Variants in GNAQ observed in about 807,000 individuals in gnomAD.
The protein encoded by GNAQ is G protein subunit alpha q, also known as guanine nucleotide-binding protein G(q) subunit alpha.
Under a neutral mutation model 43.9 loss-of-function variants are expected in GNAQ, and 8 were observed. The ratio of observed to expected loss-of-function variants is 0.18; its 90% CI spans 0.11 to 0.33. The LOEUF (loss-of-function observed/expected upper bound fraction) is 0.33, where lower values mean the gene tolerates loss of function less well. GNAQ is among the 10% of genes least tolerant of loss of function. GNAQ has a pLI of 1.00. For synonymous variants in GNAQ, 155 were observed against 170.7 expected (o/e 0.91, Z 0.71); for missense variants, 158 against 450.8 (o/e 0.35, Z 5.88).
At chr9:77,761,942 G>A (rs1826037255) in intron 5 of GNAQ, among the ~76,000 whole-genome samples, 2 of 134,766 alleles carry the variant, frequency 1.5e-5, no homozygotes, top group African/African-American at 2.8e-5. Context: ...GTCCGGGAGG[G>A]AGGTGCGGGG....
intron 5 of GNAQ, among the ~76,000 whole-genome samples, chr9:77,784,180 A>G (rs1229101430): frequency 6.6e-6 from 1 of 152,030 alleles, no homozygotes; most frequent in Non-Finnish European, 1.5e-5. Flanking sequence ...CCATTTTGGT[A>G]TATTTTTATG....
chr9:78,024,665 C>T (rs773094463), intron 1 of GNAQ, among the ~76,000 whole-genome samples: 1 of 152,138 alleles, frequency 6.6e-6, no homozygotes, highest in Non-Finnish European at 1.5e-5. Context: ...CATGTCAGTA[C>T]GAGGACATCA....
Position 77,954,413 on chromosome 9 carries a change from G to A in GNAQ, c.137-32068C>T, listed in dbSNP as rs72738412. Among the ~76,000 whole-genome samples the A allele has an allele frequency of 7.6e-3, 1,151 of 152,288 alleles. 6 individuals are homozygous for A. The highest frequency in any genetic ancestry group is 0.011 in the Non-Finnish European group (733 of 68,020). ...CAGCACCACCATAGTACGGCTTAAGGAAGAGAAGAACTGAGAGCACTACAA... is the reference window on the plus strand; with the variant it reads ...CAGCACCACCATAGTACGGCTTAAGAAAGAGAAGAACTGAGAGCACTACAA... On this transcript the variant is annotated intron_variant, in intron 1 of 6. Coordinates refer to ENST00000286548, the MANE Select transcript of GNAQ (RefSeq NM_002072.5).
chr9:77,949,750 G>C (rs1822953611), intron 1 of GNAQ, among the ~76,000 whole-genome samples: 1 of 152,136 alleles, frequency 6.6e-6, no homozygotes, highest in Non-Finnish European at 1.5e-5. Context: ...AAATATTAGA[G>C]ATTCACATGC....
At chr9:77,819,002 C>CA (rs10547681) in intron 2 of GNAQ, among the ~76,000 whole-genome samples, 2,943 of 45,332 alleles carry the variant, frequency 0.065, 561 homozygotes, top group African/African-American at 0.15. Context: ...ACCATCTCTC[C>CA]AAAAAAAAAA....
At chr9:77,770,105 G>T (rs1826199503) in intron 5 of GNAQ, among the ~76,000 whole-genome samples, 1 of 152,170 alleles carries the variant, frequency 6.6e-6, no homozygotes, top group Non-Finnish European at 1.5e-5. Flanking sequence ...GAAATTTCAG[G>T]TTTGAGAATT....
At chr9:77,837,416 A>G (rs1288306251) in intron 2 of GNAQ, among the ~76,000 whole-genome samples, 1 of 151,996 alleles carries the variant, frequency 6.6e-6, no homozygotes, top group Non-Finnish European at 1.5e-5. Context: ...TAGCCGGGTG[A>G]GGTGGTGCTC....
chr9:77,905,703 G>A (rs4443727), intron 2 of GNAQ, among the ~76,000 whole-genome samples: 88,992 of 152,002 alleles, frequency 0.59, 27,639 homozygotes, highest in South Asian at 0.71. Flanking sequence ...TCATATTCAG[G>A]AAAATTCTGT....
At chr9:77,984,874 T>C (rs1214289297) in intron 1 of GNAQ, among the ~76,000 whole-genome samples, 6 of 152,148 alleles carry the variant, frequency 3.9e-5, no homozygotes, top group Non-Finnish European at 8.8e-5. Flanking sequence ...CTCCAACATC[T>C]ATTCAGGTAT....
At chr9:77,979,344 G>A (rs909042899) in intron 1 of GNAQ, among the ~76,000 whole-genome samples, 17 of 137,216 alleles carry the variant, frequency 1.2e-4, no homozygotes, top group Non-Finnish European at 1.5e-4. Context: ...CAACAAGAGC[G>A]AGACTCTGTC....
intron 3 of GNAQ, among the ~76,000 whole-genome samples, chr9:77,811,740 C>A (rs142273182): frequency 1.3e-5 from 2 of 152,150 alleles, no homozygotes; most frequent in Non-Finnish European, 2.9e-5. Context: ...AAGTAACACT[C>A]GGGCCTCCTG....
At chr9:77,845,270 T>G (rs1462644298) in intron 2 of GNAQ, among the ~76,000 whole-genome samples, 1 of 152,184 alleles carries the variant, frequency 6.6e-6, no homozygotes, top group East Asian at 1.9e-4. Flanking sequence ...AATGAGCCAC[T>G]GGCAAGTGTC....
chr9:77,839,570 G>T (rs752911263), intron 2 of GNAQ, among the ~76,000 whole-genome samples: 6 of 152,202 alleles, frequency 3.9e-5, no homozygotes, highest in African/African-American at 9.7e-5. Flanking sequence ...CTTCCCTGTG[G>T]TACTGAAATC....
chr9:77,733,100 A>T (rs2118233640), intron 5 of GNAQ, among the ~76,000 whole-genome samples: 1 of 152,286 alleles, frequency 6.6e-6, no homozygotes, highest in East Asian at 1.9e-4. Flanking sequence ...AGAACACTAA[A>T]CTGGGAAACA....
At chr9:77,982,339 G>A (rs1044440771) in intron 1 of GNAQ, among the ~76,000 whole-genome samples, 7 of 152,272 alleles carry the variant, frequency 4.6e-5, no homozygotes, top group Admixed American at 1.3e-4. Context: ...TGATGTTGGC[G>A]AAGTAAAACA....
At chr9:77,877,213 G>A (rs1208043265) in intron 2 of GNAQ, among the ~76,000 whole-genome samples, 2 of 152,044 alleles carry the variant, frequency 1.3e-5, no homozygotes, top group African/African-American at 2.4e-5. Context: ...AACTCTCCCC[G>A]AAGAATATTC....
intron 2 of GNAQ, among the ~76,000 whole-genome samples, chr9:77,918,205 T>C (rs1447387068): frequency 1.1e-4 from 16 of 152,178 alleles, no homozygotes; most frequent in Non-Finnish European, 1.5e-5. Flanking sequence ...ATGTTTTGCT[T>C]TATAAAATAC....
In GNAQ at chr9:77,922,329, G is replaced by T; in HGVS notation, c.153C>A (p.Gly51=). Residue 51 remains glycine (G), a synonymous_variant, in exon 2 of 7, where the codon GGC becomes GGA. Coordinates refer to ENST00000286548, the MANE Select transcript of GNAQ (RefSeq NM_002072.5). ...KLLLLGTGES[G]KSTFIKQMRI... is the part of the protein sequence containing the mutation. ...TCATCTGCTTGATAAACGTACTCTT[G>T]CCACTCTCTCCTGTCCCTGAAAGAT... The T allele has an allele frequency of 6.2e-7, 1 of 1,612,102 alleles. No homozygotes were observed. The highest frequency in any genetic ancestry group is 8.5e-7 in the Non-Finnish European group (1 of 1,178,472).
At chr9:77,802,192 C>T (rs943815697) in intron 3 of GNAQ, among the ~76,000 whole-genome samples, 4 of 151,786 alleles carry the variant, frequency 2.6e-5, no homozygotes, top group Non-Finnish European at 4.4e-5. Context: ...AAACAAAAAA[C>T]AAAAAAACCC....
Sources: allele counts gnomAD v4.1 joint callset (sites outside exome capture counted in the v4.1 genomes callset), GRCh38; gene constraint gnomAD v4.1.1; transcripts MANE v1.5; gene names NCBI Gene and HGNC (gene_info 2026-07-23, HGNC 2026-07-21).